Variants in RCAN1 observed in about 807,000 individuals in gnomAD.
RCAN1 encodes calcipressin-1.
Under a neutral mutation model 22.9 loss-of-function variants are expected in RCAN1, and 11 were observed. The observed-to-expected ratio is 0.48, with a 90% confidence interval of 0.30 to 0.79. The LOEUF (loss-of-function observed/expected upper bound fraction) is 0.79, where lower values mean the gene tolerates loss of function less well. Ranked by LOEUF, RCAN1 falls within the 30% of genes least tolerant of loss-of-function variation. The pLI is 0.06. For missense variants in RCAN1, 291 were observed against 337.8 expected (o/e 0.86, Z 1.09); for synonymous variants, 136 against 142.3 (o/e 0.96, Z 0.32).
rs1464118121 is a variant in RCAN1 at position 34,517,868 on chromosome 21, T to C, written c.*216A>G. The C allele has an allele frequency of 1.0e-5, 6 of 590,602 alleles. No homozygotes were observed. In the South Asian group the frequency reaches 1.0e-4, roughly 10 times the overall value. 36.6% of individuals were successfully genotyped at this position (590,602 alleles called of 1,614,324 possible). A position where few individuals can be genotyped will look rare whatever the true frequency, so the allele number is the denominator to read the frequency against. On this transcript the variant is annotated 3_prime_UTR_variant, in exon 4 of 4. Transcript: ENST00000313806. ...TGTGCGATCACCACAAACTCAGTGA[T>C]TGGCCCAAGTCATTCCCGGGTGCCA...
At chr21:34,552,375 G>A (rs925612974) in intron 1 of RCAN1, among the ~76,000 whole-genome samples, 1 of 152,166 alleles carries the variant, frequency 6.6e-6, no homozygotes, top group East Asian at 1.9e-4. Flanking sequence ...AAGGTAGAGG[G>A]GGAGGAAGAA....
At chr21:34,523,269 A>C (rs540122383) in intron 2 of RCAN1, among the ~76,000 whole-genome samples, 1 of 152,316 alleles carries the variant, frequency 6.6e-6, no homozygotes, top group South Asian at 2.1e-4. Flanking sequence ...GCACCCTGCA[A>C]GCTCCCCAGT....
intron 1 of RCAN1, chr21:34,526,933 G>A: frequency 7.1e-7 from 1 of 1,414,364 alleles, no homozygotes; most frequent in Non-Finnish European, 9.1e-7. Flanking sequence ...GCAAATTCCT[G>A]AGTCAAGTCC....
chr21:34,560,574 G>T (rs1188278887), intron 1 of RCAN1, among the ~76,000 whole-genome samples: 1 of 152,176 alleles, frequency 6.6e-6, no homozygotes, highest in African/African-American at 2.4e-5. Context: ...TTGTTGTAAA[G>T]TTCTAAATGA....
intron 1 of RCAN1, among the ~76,000 whole-genome samples, chr21:34,583,758 T>G (rs544483505): frequency 5.9e-5 from 9 of 152,160 alleles, no homozygotes; most frequent in Non-Finnish European, 8.8e-5. Context: ...AGCACACTGA[T>G]AGAGATAGCC....
At chr21:34,603,158 T>C (rs1002603385) in intron 1 of RCAN1, among the ~76,000 whole-genome samples, 1 of 152,204 alleles carries the variant, frequency 6.6e-6, no homozygotes, top group African/African-American at 2.4e-5. Flanking sequence ...TTGCCTTTGA[T>C]GCCTGAAATA....
chr21:34,595,730 G>T (rs907394334), intron 1 of RCAN1, among the ~76,000 whole-genome samples: 1 of 152,226 alleles, frequency 6.6e-6, no homozygotes, highest in Admixed American at 6.5e-5. Context: ...CCGGCCACTG[G>T]AAGGGCACTG....
intron 1 of RCAN1, among the ~76,000 whole-genome samples, chr21:34,543,992 C>A (rs1013112860): frequency 6.6e-6 from 1 of 152,236 alleles, no homozygotes; most frequent in Non-Finnish European, 1.5e-5. Flanking sequence ...ATCCTATGAA[C>A]TTCAGTTTCC....
intron 1 of RCAN1, among the ~76,000 whole-genome samples, chr21:34,539,090 A>G (rs928506850): frequency 6.6e-6 from 1 of 152,236 alleles, no homozygotes; most frequent in Non-Finnish European, 1.5e-5. Context: ...CGGTAAATTC[A>G]AACAGTTTAA....
chr21:34,604,467 G>A (rs181160732), intron 1 of RCAN1, among the ~76,000 whole-genome samples: 264 of 152,232 alleles, frequency 1.7e-3, no homozygotes, highest in Admixed American at 3.1e-3. Flanking sequence ...TGACACAGGG[G>A]TCATCTCAGA....
intron 1 of RCAN1, among the ~76,000 whole-genome samples, chr21:34,544,918 C>T (rs2834518): frequency 0.24 from 36,684 of 152,040 alleles, 5,163 homozygotes; most frequent in African/African-American, 0.39. Flanking sequence ...GACTGTATGA[C>T]GTGAACTCCA....
At chr21:34,601,686 T>C (rs539408119) in intron 1 of RCAN1, among the ~76,000 whole-genome samples, 58 of 151,776 alleles carry the variant, frequency 3.8e-4, no homozygotes, top group East Asian at 1.5e-3. Context: ...GGCGTGGTGG[T>C]GGGCGCCTGT....
At chr21:34,549,584 C>T (rs1986284069) in intron 1 of RCAN1, among the ~76,000 whole-genome samples, 1 of 152,134 alleles carries the variant, frequency 6.6e-6, no homozygotes, top group Non-Finnish European at 1.5e-5. Context: ...CAGGCTAAAA[C>T]AGGTAAGCAA....
intron 1 of RCAN1, among the ~76,000 whole-genome samples, chr21:34,531,024 A>C (rs1033419695): frequency 6.6e-6 from 1 of 152,224 alleles, no homozygotes; most frequent in Non-Finnish European, 1.5e-5. Flanking sequence ...TCTCTTCCTC[A>C]TCTTTACCAC....
intron 1 of RCAN1, chr21:34,525,398 C>T: frequency 7.6e-6 from 11 of 1,438,690 alleles, no homozygotes; most frequent in Non-Finnish European, 1.0e-5. Context: ...GCGGAGCTGG[C>T]GGACGGTAGA....
At chr21:34,547,404 C>T (rs1390472206) in intron 1 of RCAN1, among the ~76,000 whole-genome samples, 1 of 152,130 alleles carries the variant, frequency 6.6e-6, no homozygotes, top group Non-Finnish European at 1.5e-5. Context: ...AAACATCGTC[C>T]CAAGAGAAAA....
In RCAN1 at chr21:34,614,674, G is replaced by C. The variant is rs944184885; in HGVS notation, c.252+86C>G. On this transcript the variant is annotated intron_variant, in intron 1 of 3. Coordinates refer to ENST00000313806, the MANE Select transcript of RCAN1 (RefSeq NM_004414.7). This position sits in a 1 kb window ranked among gnomAD's most constrained non-coding sequence, Gnocchi z 6.0. Reference sequence around the variant, plus strand: ...CTGCCTCCCCGCCCCGCGCGCGGCCGGGACTGGGCGCTGCGACCCGCGCCG... The same window carrying C: ...CTGCCTCCCCGCCCCGCGCGCGGCCCGGACTGGGCGCTGCGACCCGCGCCG... The C allele has an allele frequency of 4.7e-5, 56 of 1,199,050 alleles. No homozygotes were observed. Among genetic ancestry groups the C allele is most frequent in the South Asian group, 1.3e-4 (4 of 31,924 alleles). The allele number at this position is 1,199,050 out of a possible 1,614,324, so 74.3% of individuals were successfully genotyped here.
intron 1 of RCAN1, among the ~76,000 whole-genome samples, chr21:34,613,145 A>G (rs971848644): frequency 2.6e-5 from 4 of 152,096 alleles, no homozygotes; most frequent in Non-Finnish European, 5.9e-5. Context: ...CCAATGCTAC[A>G]TTGTCTCTGC....
intron 1 of RCAN1, among the ~76,000 whole-genome samples, chr21:34,531,726 T>C (rs1220381854): frequency 6.6e-6 from 1 of 152,196 alleles, no homozygotes; most frequent in Non-Finnish European, 1.5e-5. Context: ...CTCTCACTTT[T>C]ATGTTCCTCC....
Sources: allele counts gnomAD v4.1 joint callset (sites outside exome capture counted in the v4.1 genomes callset), GRCh38; gene constraint gnomAD v4.1.1; non-coding constraint Gnocchi (gnomAD v3.1); transcripts MANE v1.5; gene names NCBI Gene and HGNC (gene_info 2026-07-23, HGNC 2026-07-21).